The following PTGDR variants were observed in gnomAD, a reference collection of about 807,000 sequenced individuals.
PTGDR encodes the protein prostaglandin D2 receptor, also known as PGD2 receptor.
In PTGDR, 19 loss-of-function variants were observed where a neutral mutation model predicts 17.4. The ratio of observed to expected loss-of-function variants is 1.09; its 90% CI spans 0.76 to 1.60. PTGDR has a LOEUF of 1.60. Ranked by LOEUF, PTGDR falls within the 40% of genes most tolerant of loss-of-function variation. The probability of loss-of-function intolerance (pLI) is 0.00; values close to 1 mark genes in which losing one functional copy is unlikely to be tolerated. For missense variants in PTGDR, 526 were observed against 481.9 expected, an observed-to-expected ratio of 1.09 and a Z score of -0.86; for synonymous variants, 267 against 224.2, an observed-to-expected ratio of 1.19 and a Z score of -1.71.
intron 1 of PTGDR, 71 bp downstream of exon 1, chr14:52,268,731 G>T: frequency 6.8e-7 from 1 of 1,471,974 alleles, no homozygotes; most frequent in Non-Finnish European, 9.1e-7. Flanking sequence ...GGGAAGGGTG[G>T]AGCGGATCGG....
rs969439839 is a variant in PTGDR at position 52,267,762 on chromosome 14, C to T, written c.-53C>T. On this transcript the variant is annotated 5_prime_UTR_variant, in exon 1 of 2. Transcript: ENST00000306051. ...CGGGGGCTCCTTAGCACCCGGGCGC[C>T]GGGGCCCTCGCCCTTCCGCAGCCTT... 4.4e-5 allele frequency: 65 copies of T among 1,488,536 alleles called. No homozygotes were observed. The highest frequency in any genetic ancestry group is 5.3e-5 in the Non-Finnish European group (59 of 1,122,250). The allele number at this position is 1,488,536 out of a possible 1,614,324, so 92.2% of individuals were successfully genotyped here. A position where few individuals can be genotyped will look rare whatever the true frequency, so the allele number is the denominator to read the frequency against.
rs180690089 is a variant in PTGDR, at chr14:52,275,714, G to A, written c.*750G>A. ...TCAAGGGTGTCAGTAGGAATCAAAA[G>A]TTGGGGGTGGGTTGCAAAATGTTCT... On this transcript the variant is annotated 3_prime_UTR_variant, in exon 2 of 2. Coordinates refer to ENST00000306051, the MANE Select transcript of PTGDR (RefSeq NM_000953.3). 1 of 152,652 alleles carries A rather than the reference G, an allele frequency of 6.6e-6. No individual in the cohort carries two copies. Among genetic ancestry groups the A allele is most frequent in the African/African-American group, 2.4e-5 (1 of 41,576 alleles). The allele number at this position is 152,652 out of a possible 1,614,324, so 9.5% of individuals were successfully genotyped here. A position where few individuals can be genotyped will look rare whatever the true frequency, so the allele number is the denominator to read the frequency against.
At chr14:52,279,792 A>AT (rs199861522), downstream of PTGDR, among the ~76,000 whole-genome samples, 28 of 146,204 alleles carry the variant, frequency 1.9e-4, no homozygotes, top group South Asian at 4.2e-4. Flanking sequence ...TAATAATAAA[A>AT]TTAAAAAAAA....
At position 52,268,261 on chromosome 14, in the gene PTGDR, C is replaced by T; in HGVS notation, c.447C>T (p.Gly149=). Reference sequence around the variant, plus strand: ...GACGGCACATCACCCTGCGCCTGGGCGCACTGGTGGCCCCGGTGGTGAGCG... The same window carrying T: ...GACGGCACATCACCCTGCGCCTGGGTGCACTGGTGGCCCCGGTGGTGAGCG... ...FYRRHITLRL[G]ALVAPVVSAF... is the part of the protein sequence containing the mutation. Residue 149 remains glycine (G), a synonymous_variant, in exon 1 of 2, where the codon GGC becomes GGT. Coordinates refer to ENST00000306051, the MANE Select transcript of PTGDR (RefSeq NM_000953.3). 3.1e-6 allele frequency: 5 copies of T among 1,614,032 alleles called. No homozygotes were observed. Among genetic ancestry groups the T allele is most frequent in the South Asian group, 1.1e-5 (1 of 91,092 alleles).
At chr14:52,272,608 C>A (rs1410460141) in intron 1 of PTGDR, among the ~76,000 whole-genome samples, 1 of 152,192 alleles carries the variant, frequency 6.6e-6, no homozygotes, top group East Asian at 1.9e-4. Flanking sequence ...TGCCAGGCAG[C>A]CCTCTCTGGC....
At chr14:52,269,361 G>A in intron 1 of PTGDR, 1 of 1,086,844 alleles carries the variant, frequency 9.2e-7, no homozygotes, top group Non-Finnish European at 1.4e-6. Context: ...GTGTATCTTG[G>A]CAAGTGAGGT....
Position 52,268,665 on chromosome 14 carries a change from G to C in PTGDR, c.846+5G>C. Reference sequence around the variant, plus strand: ...ATGTGTTCTCTGCCCGTAATTGTGAGTCCCCGGGCCCCGAGGCAGCAGGGC... The same window carrying C: ...ATGTGTTCTCTGCCCGTAATTGTGACTCCCCGGGCCCCGAGGCAGCAGGGC... On this transcript the variant is annotated splice_donor_5th_base_variant and intron_variant, in intron 1 of 1. Coordinates refer to ENST00000306051, the MANE Select transcript of PTGDR (RefSeq NM_000953.3). 2 of 1,557,150 alleles carry C rather than the reference G, an allele frequency of 1.3e-6. No homozygotes were observed. The highest frequency in any genetic ancestry group is 1.4e-5 in the African/African-American group (1 of 73,690).
chr14:52,279,968 C>A (rs980964864), downstream of PTGDR, among the ~76,000 whole-genome samples: 1 of 151,684 alleles, frequency 6.6e-6, no homozygotes, highest in African/African-American at 2.4e-5. Context: ...AGCATAGGGT[C>A]CTATGATGAT....
At position 52,276,581 on chromosome 14, in the gene PTGDR, C is replaced by T. The variant is rs977203027; in HGVS notation, c.*1617C>T. The T allele has an allele frequency of 6.6e-6, 1 of 152,042 alleles. No individual in the cohort carries two copies. The highest frequency in any genetic ancestry group is 1.5e-5 in the Non-Finnish European group (1 of 68,000). The allele number at this position is 152,042 out of a possible 1,614,324, so 9.4% of individuals were successfully genotyped here. A position where few individuals can be genotyped will look rare whatever the true frequency, so the allele number is the denominator to read the frequency against. ...TTTTGAAATTTAACTTTTGTTTGTA[C>T]CTTCAATGTGTAAGTACATGCATGT... On this transcript the variant is annotated 3_prime_UTR_variant, in exon 2 of 2. Transcript: ENST00000306051.
At chr14:52,279,981 T>TC (rs2140014066), downstream of PTGDR, among the ~76,000 whole-genome samples, 1 of 152,212 alleles carries the variant, frequency 6.6e-6, no homozygotes, top group Non-Finnish European at 1.5e-5. Context: ...ATGATGATCT[T>TC]AAACTGAGTA....
intron 1 of PTGDR, among the ~76,000 whole-genome samples, chr14:52,273,791 A>G (rs1229356650): frequency 6.6e-6 from 1 of 152,226 alleles, no homozygotes; most frequent in East Asian, 1.9e-4. Flanking sequence ...TTCCTGTTCC[A>G]TTAGAGTCCA....
At chr14:52,269,640 CT>C in intron 1 of PTGDR, 2 of 1,027,254 alleles carry the variant, frequency 1.9e-6, no homozygotes, top group Non-Finnish European at 2.8e-6. Flanking sequence ...TGTTAAATTT[CT>C]TCTCAGAATG....
chr14:52,267,967 G>T lies in PTGDR; in HGVS notation c.153G>T (p.Arg51=), dbSNP rs1216926899. The T allele has an allele frequency of 1.2e-6, 2 of 1,609,150 alleles. No homozygotes were observed. The highest frequency in any genetic ancestry group is 1.7e-6 in the Non-Finnish European group (2 of 1,179,720). Residue 51 remains arginine, a synonymous_variant, in exon 1 of 2, where the codon CGG becomes CGT. Coordinates refer to ENST00000306051, the MANE Select transcript of PTGDR (RefSeq NM_000953.3). ...GCTCGGGGCTGGGGTGGTGCTCGCG[G>T]CGTCCACTGCGCCCGCTGCCCTCGG... ...LARSGLGWCS[R]RPLRPLPSVF...
downstream of PTGDR, among the ~76,000 whole-genome samples, chr14:52,277,050 A>G (rs1237353165): frequency 6.6e-6 from 1 of 152,198 alleles, no homozygotes; most frequent in African/African-American, 2.4e-5. Context: ...ATCTGTATAG[A>G]TTTATTCATT....
In PTGDR at chr14:52,268,199, G is replaced by C; in HGVS notation, c.385G>C (p.Glu129Gln). The C allele has an allele frequency of 6.2e-7, 1 of 1,614,116 alleles. No individual in the cohort carries two copies. Among genetic ancestry groups the C allele is most frequent in the African/African-American group, 1.3e-5 (1 of 75,072 alleles). The change falls in exon 1 of 2, where the codon GAG becomes CAG. Residue 129 changes from glutamate to glutamine, a missense_variant. Coordinates refer to ENST00000306051, the MANE Select transcript of PTGDR (RefSeq NM_000953.3). ...ACTGCAACTCCTGGCCATGGCACTG[G>C]AGTGCTGGCTCTCCCTAGGGCACCC... ...STLQLLAMAL[E>Q]CWLSLGHPFF...
intron 1 of PTGDR, among the ~76,000 whole-genome samples, chr14:52,271,973 G>GT (rs1566483092): frequency 2.0e-5 from 3 of 152,024 alleles, no homozygotes; most frequent in South Asian, 2.1e-4. Flanking sequence ...TTTTACATGA[G>GT]TTTTTTTTCT....
chr14:52,271,348 C>T (rs1182660928), intron 1 of PTGDR, among the ~76,000 whole-genome samples: 1 of 151,820 alleles, frequency 6.6e-6, no homozygotes, highest in Non-Finnish European at 1.5e-5. Context: ...GGCTCTGAAA[C>T]TTTTTTTTGG....
chr14:52,274,172 C>T (rs377143995), intron 1 of PTGDR, among the ~76,000 whole-genome samples: 12 of 150,516 alleles, frequency 8.0e-5, no homozygotes, highest in African/African-American at 2.7e-4. Context: ...TTTTCCAAGT[C>T]ATCTCAGGTC....
chr14:52,274,800 C>G lies in PTGDR; in HGVS notation c.916C>G (p.Leu306Val). 1 of 1,613,794 alleles carries G rather than the reference C, an allele frequency of 6.2e-7. No individual in the cohort carries two copies. Among genetic ancestry groups the G allele is most frequent in the Non-Finnish European group, 8.5e-7 (1 of 1,179,670 alleles). The change falls in exon 2 of 2, where the codon CTC becomes GTC. Residue 306 changes from leucine to valine, a missense_variant. Physicochemically the swap from Leu to Val is conservative, Grantham distance 32. Coordinates refer to ENST00000306051, the MANE Select transcript of PTGDR (RefSeq NM_000953.3). The part of the protein sequence containing the change: ...KNRTSEEAED[L>V]RALRFLSVIS... ...CAGGACCTCTGAAGAAGCAGAAGAC[C>G]TCCGAGCCTTGCGATTTCTATCTGT...
Sources: gnomAD v4.1 joint callset for allele counts (sites outside exome capture counted in the v4.1 genomes callset) on GRCh38, gnomAD v4.1.1 for gene constraint, MANE v1.5 for transcripts, NCBI Gene and HGNC (gene_info 2026-07-23, HGNC 2026-07-21) for gene names.